PAK2: variants seen among roughly 807,000 people sequenced by gnomAD.
PAK2 encodes p21 (RAC1) activated kinase 2.
Under a neutral mutation model 65.9 loss-of-function variants are expected in PAK2, and 21 were observed. That is an observed-to-expected ratio of 0.32 (90% CI 0.23 to 0.46). The LOEUF (loss-of-function observed/expected upper bound fraction) is 0.46. Ranked by LOEUF, PAK2 falls within the 20% of genes least tolerant of loss-of-function variation. PAK2 has a pLI of 1.00. For missense variants in PAK2, 324 were observed against 642.6 expected, an observed-to-expected ratio of 0.50 and a Z score of 5.36; for synonymous variants, 204 against 219.7, an observed-to-expected ratio of 0.93 and a Z score of 0.63.
intron 2 of PAK2, among the ~76,000 whole-genome samples, chr3:196,788,083 C>T (rs1345755479): frequency 2.0e-5 from 3 of 152,216 alleles, no homozygotes; most frequent in Admixed American, 6.5e-5. Context: ...ATCCTAACTG[C>T]TGCTTCTCTC....
At chr3:196,802,952 C>G (rs1201379232) in intron 3 of PAK2, 65 bp from the exon 4 acceptor site, 1 of 1,076,452 alleles carries the variant, frequency 9.3e-7, no homozygotes, top group Non-Finnish European at 1.3e-6. Flanking sequence ...TGTCATTTAT[C>G]TCTGGAAATT....
rs146760990 is a variant in PAK2 at position 196,825,609 on chromosome 3, T to C, written c.1351-1587T>C. 3.8e-3 allele frequency among the ~76,000 whole-genome samples: 578 copies of C among 152,124 alleles called. 5 individuals are homozygous for C. The highest frequency in any genetic ancestry group is 0.032 in the East Asian group (166 of 5,164). On this transcript the variant is annotated intron_variant, in intron 13 of 14. Transcript: ENST00000327134. The stretch of plus-strand genomic sequence containing the variant: ...ATCGAGCTGAGATCGTGCCATTGCA[T>C]TCCAGCCTGGGCCACAGAGCCAGAC...
intron 1 of PAK2, among the ~76,000 whole-genome samples, chr3:196,766,688 C>T (rs1196010247): frequency 1.3e-5 from 2 of 151,864 alleles, no homozygotes; most frequent in Non-Finnish European, 2.9e-5. Flanking sequence ...TTAACTTGGT[C>T]CCATCTCTCC....
chr3:196,740,205 C>G (rs533289902), intron 1 of PAK2, 48 bp downstream of exon 1: 2 of 152,138 alleles, frequency 1.3e-5, no homozygotes, highest in Admixed American at 1.3e-4. Context: ...CGGGTCTCTT[C>G]CTCCTCCTTC....
Position 196,769,773 on chromosome 3 carries a change from T to C in PAK2, c.-21-12853T>C, listed in dbSNP as rs145189476. 2.0e-3 allele frequency among the ~76,000 whole-genome samples: 310 copies of C among 151,858 alleles called. 5 individuals are homozygous for C. Among genetic ancestry groups the C allele is most frequent in the African/African-American group, 7.0e-3 (289 of 41,278 alleles). On this transcript the variant is annotated intron_variant, in intron 1 of 14. Coordinates refer to ENST00000327134, the MANE Select transcript of PAK2 (RefSeq NM_002577.4). The stretch of plus-strand genomic sequence containing the variant: ...CAGGGCTTGCAGTGAGCTGAGATCA[T>C]GCCACTGCACTCCAGCCTGGGCGAC...
At chr3:196,745,720 A>AGGAGAATTGTCTGAGCCC (rs1227881512) in intron 1 of PAK2, among the ~76,000 whole-genome samples, 2 of 151,800 alleles carry the variant, frequency 1.3e-5, no homozygotes, top group Non-Finnish European at 2.9e-5. Flanking sequence ...AGGCTGAGGC[A>AGGAGAATTGTCTGAGCCC]GGAGAATTGT....
chr3:196,794,935 C>T lies in PAK2; in HGVS notation c.188-6992C>T, dbSNP rs150912971. 1.2e-3 allele frequency among the ~76,000 whole-genome samples: 187 copies of T among 152,082 alleles called. 1 individual carries two copies. The highest frequency in any genetic ancestry group is 4.4e-3 in the African/African-American group (182 of 41,494). ...TGGAAAGGAGGCAGCAACCTAGGCT[C>T]GGGGGTGAGGAAAAGAAAGAAAATC... On this transcript the variant is annotated intron_variant, in intron 2 of 14. Coordinates refer to ENST00000327134, the MANE Select transcript of PAK2 (RefSeq NM_002577.4).
chr3:196,798,830 G>A (rs1715336361), intron 2 of PAK2, among the ~76,000 whole-genome samples: 1 of 152,278 alleles, frequency 6.6e-6, no homozygotes, highest in East Asian at 1.9e-4. Context: ...GGCATTTGAC[G>A]GAACCCAGTA....
intron 1 of PAK2, among the ~76,000 whole-genome samples, chr3:196,762,655 C>A (rs1577704380): frequency 6.6e-6 from 1 of 151,428 alleles, no homozygotes; most frequent in Non-Finnish European, 1.5e-5. Flanking sequence ...AGCTTCGGCT[C>A]CGCATGAGAG....
rs200558658 is a variant in PAK2 at position 196,751,741 on chromosome 3, C to CT, written c.-22+11604dup. Among the ~76,000 whole-genome samples the CT allele has an allele frequency of 6.5e-3, 519 of 79,280 alleles. 14 individuals carry two copies. Among genetic ancestry groups the CT allele is most frequent in the East Asian group, 0.012 (41 of 3,326 alleles). The allele number at this position is 79,280 out of a possible 152,430, so 52.0% of individuals were successfully genotyped here. On this transcript the variant is annotated intron_variant, in intron 1 of 14. Coordinates refer to ENST00000327134, the MANE Select transcript of PAK2 (RefSeq NM_002577.4). ...GCATTTATGAAACACAAATGAATTT[C>CT]TTTTTTTTTTTTTTTTTTTTGAGAC...
rs1410577767 is a variant in PAK2 at position 196,831,327 on chromosome 3, TTA to T, written c.*2924_*2925del. The T allele has an allele frequency of 2.6e-5, 4 of 152,368 alleles. No individual in the cohort carries two copies. Among genetic ancestry groups the T allele is most frequent in the Non-Finnish European group, 4.4e-5 (3 of 68,044 alleles). The allele number at this position is 152,368 out of a possible 1,614,324, so 9.4% of individuals were successfully genotyped here. A position where few individuals can be genotyped will look rare whatever the true frequency, so the allele number is the denominator to read the frequency against. ...AGTATTATTATAGTACTTATTTATT[TTA>T]TTTTAGATTTAAAGTTATCTTCTCT... On this transcript the variant is annotated 3_prime_UTR_variant, in exon 15 of 15. Transcript: ENST00000327134.
chr3:196,782,636 A>G lies in PAK2; in HGVS notation c.-11A>G. ...TTTTTCCAATTCCAGGCCATTTCAT[A>G]ATTCTGAATCATGTCTGATAACGGA... On this transcript the variant is annotated 5_prime_UTR_variant, in exon 2 of 15. It adds an upstream start codon to the 5' untranslated region. Coordinates refer to ENST00000327134, the MANE Select transcript of PAK2 (RefSeq NM_002577.4). 2 of 1,539,716 alleles carry G rather than the reference A, an allele frequency of 1.3e-6. No individual in the cohort carries two copies. Among genetic ancestry groups the G allele is most frequent in the Non-Finnish European group, 1.8e-6 (2 of 1,133,992 alleles).
At chr3:196,782,970 A>G in intron 2 of PAK2, 137 bp downstream of exon 2, 3 of 468,602 alleles carry the variant, frequency 6.4e-6, no homozygotes, top group Non-Finnish European at 7.6e-6. Context: ...ACTATTAAAA[A>G]GACTAGTTTA....
chr3:196,786,896 A>G (rs1342751790), intron 2 of PAK2, among the ~76,000 whole-genome samples: 1 of 150,116 alleles, frequency 6.7e-6, no homozygotes, highest in Non-Finnish European at 1.5e-5. Flanking sequence ...TATGTCTTGG[A>G]TCATTGCAAC....
chr3:196,759,529 T>G (rs1265873010), intron 1 of PAK2, among the ~76,000 whole-genome samples: 4 of 132,314 alleles, frequency 3.0e-5, no homozygotes, highest in South Asian at 2.5e-4. Context: ...TTTTTTTTTT[T>G]TTTTTTTTGA....
intron 1 of PAK2, among the ~76,000 whole-genome samples, chr3:196,777,450 G>A (rs1352800271): frequency 3.9e-5 from 6 of 152,058 alleles, no homozygotes; most frequent in African/African-American, 1.2e-4. Context: ...GTAATCCCCC[G>A]ACCTTGGCCT....
Position 196,828,334 on chromosome 3 carries a change from C to G in PAK2, c.1504C>G (p.Leu502Val), listed in dbSNP as rs1711952637. Residue 502 changes from leucine (L) to valine (V), a missense_variant, in exon 15 of 15, where the codon CTG becomes GTG. Coordinates refer to ENST00000327134, the MANE Select transcript of PAK2 (RefSeq NM_002577.4). ...TTTCTGGCAGCATCCTTTCCTGAAA[C>G]TGGCCAAACCGTTATCTAGCTTGAC... ...KELLQHPFLKLAKPLSSLTPL... is the reference protein window; with the variant it reads ...KELLQHPFLKVAKPLSSLTPL... 3 of 1,606,940 alleles carry G rather than the reference C, an allele frequency of 1.9e-6. No homozygotes were observed. The highest frequency in any genetic ancestry group is 1.7e-6 in the Non-Finnish European group (2 of 1,175,324).
intron 1 of PAK2, among the ~76,000 whole-genome samples, chr3:196,753,625 A>G (rs1713681239): frequency 1.3e-5 from 2 of 152,202 alleles, no homozygotes; most frequent in African/African-American, 4.8e-5. Flanking sequence ...TATACCATCT[A>G]GTGTACATTT....
At chr3:196,798,540 C>T (rs894210339) in intron 2 of PAK2, among the ~76,000 whole-genome samples, 4 of 152,018 alleles carry the variant, frequency 2.6e-5, no homozygotes, top group Admixed American at 6.6e-5. Flanking sequence ...GACGAGACTT[C>T]ACCATGTTGG....
Sources: allele counts gnomAD v4.1 joint callset (sites outside exome capture counted in the v4.1 genomes callset), GRCh38; gene constraint gnomAD v4.1.1; transcripts MANE v1.5; gene names NCBI Gene and HGNC (gene_info 2026-07-23, HGNC 2026-07-21).